The following RNF212 variants were observed in gnomAD, a reference collection of about 807,000 sequenced individuals.
RNF212 encodes ring finger protein 212, also known as probable E3 SUMO-protein ligase RNF212.
In RNF212, 33 loss-of-function variants were observed where a neutral mutation model predicts 34.7. That is an observed-to-expected ratio of 0.95 (90% CI 0.72 to 1.27). RNF212 has a LOEUF of 1.27. RNF212 is among the 50% of genes most tolerant of loss of function. The pLI is 0.00. For missense variants in RNF212, 377 were observed against 362.2 expected, an observed-to-expected ratio of 1.04 and a Z score of -0.33; for synonymous variants, 140 against 136.1, an observed-to-expected ratio of 1.03 and a Z score of -0.20.
chr4:1,083,945 ATTTTT>A (rs376424627), intron 5 of RNF212, among the ~76,000 whole-genome samples: 3 of 134,678 alleles, frequency 2.2e-5, no homozygotes, highest in African/African-American at 8.2e-5. Context: ...CATTTTGTGC[ATTTTT>A]TTTTTTTTTT....
intron 2 of RNF212, among the ~76,000 whole-genome samples, chr4:1,103,086 C>G (rs370664252): frequency 9.2e-5 from 14 of 151,780 alleles, no homozygotes; most frequent in African/African-American, 3.1e-4. Context: ...ATGGAACTTA[C>G]AGACATGAAA....
chr4:1,078,640 C>T (rs555953746), intron 8 of RNF212, among the ~76,000 whole-genome samples: 1 of 152,356 alleles, frequency 6.6e-6, no homozygotes, highest in African/African-American at 2.4e-5. Context: ...CAAGTGAAGG[C>T]AGTTAAAGCC....
At chr4:1,076,410 C>T (rs543752367) in intron 8 of RNF212, among the ~76,000 whole-genome samples, 3 of 152,246 alleles carry the variant, frequency 2.0e-5, no homozygotes, top group Non-Finnish European at 4.4e-5. Context: ...GTGGCCCTCC[C>T]TCTGACGAGC....
At chr4:1,104,525 T>A (rs1724509543) in intron 2 of RNF212, among the ~76,000 whole-genome samples, 1 of 152,174 alleles carries the variant, frequency 6.6e-6, no homozygotes, top group Non-Finnish European at 1.5e-5. Flanking sequence ...TTGCTCCTGC[T>A]TGCATTTCAG....
chr4:1,081,907 G>T lies in RNF212; in HGVS notation c.363-288C>A, dbSNP rs572966455. 181 of 389,544 alleles carry T rather than the reference G, an allele frequency of 4.6e-4. 1 individual carries two copies. Among genetic ancestry groups the T allele is most frequent in the African/African-American group, 3.5e-3 (173 of 48,880 alleles). 24.1% of individuals were successfully genotyped at this position (389,544 alleles called of 1,614,324 possible). On this transcript the variant is annotated intron_variant, in intron 5 of 9. Coordinates refer to ENST00000433731, the MANE Select transcript of RNF212 (RefSeq NM_001131034.4). ...CACATGGCCACTGCGGGTGTTAAAGGTGTGAAATTAAGACCTGACAACAGG... is the reference window on the plus strand; with the variant it reads ...CACATGGCCACTGCGGGTGTTAAAGTTGTGAAATTAAGACCTGACAACAGG...
intron 4 of RNF212, chr4:1,056,883 G>C (rs988145166): frequency 6.8e-5 from 66 of 969,278 alleles, no homozygotes; most frequent in Non-Finnish European, 8.0e-5. Flanking sequence ...ATGGGCGGCC[G>C]GGGGGGCAGC....
At position 1,071,891 on chromosome 4, in the gene RNF212, A is replaced by G. The variant is rs1342123776; in HGVS notation, c.*983T>C. The stretch of plus-strand genomic sequence containing the variant: ...TTTCAAAACTAAACACCCTCTCACC[A>G]TCTGATCCAGCATTCACACTCCTTA... On this transcript the variant is annotated 3_prime_UTR_variant, in exon 10 of 10. Coordinates refer to ENST00000433731, the MANE Select transcript of RNF212 (RefSeq NM_001131034.4). The G allele has an allele frequency of 6.6e-6, 1 of 152,208 alleles. No individual in the cohort carries two copies. The highest frequency in any genetic ancestry group is 1.5e-5 in the Non-Finnish European group (1 of 68,042). The allele number at this position is 152,208 out of a possible 1,614,324, so 9.4% of individuals were successfully genotyped here. A position where few individuals can be genotyped will look rare whatever the true frequency, so the allele number is the denominator to read the frequency against.
chr4:1,097,502 G>A (rs749502684), intron 2 of RNF212, among the ~76,000 whole-genome samples: 1 of 152,110 alleles, frequency 6.6e-6, no homozygotes, highest in Non-Finnish European at 1.5e-5. Context: ...CTACTCAGGA[G>A]GCTGAGGCAG....
In RNF212 at chr4:1,096,752, C is replaced by A; in HGVS notation, c.246+13G>T. The stretch of plus-strand genomic sequence containing the variant: ...GCTCATCACGGAACCAAGCCACACC[C>A]CTCACAGCTCACCTGGGAGGTTTCC... On this transcript the variant is annotated intron_variant, in intron 3 of 9. Coordinates refer to ENST00000433731, the MANE Select transcript of RNF212 (RefSeq NM_001131034.4). The A allele has an allele frequency of 1.2e-6, 2 of 1,606,702 alleles. No homozygotes were observed. Among genetic ancestry groups the A allele is most frequent in the Non-Finnish European group, 1.7e-6 (2 of 1,173,192 alleles).
At chr4:1,064,883 G>T (rs1262499148) in intron 3 of RNF212, among the ~76,000 whole-genome samples, 1 of 152,146 alleles carries the variant, frequency 6.6e-6, no homozygotes, top group African/African-American at 2.4e-5. Context: ...CACACACATG[G>T]ACTCACACAG....
intron 5 of RNF212, among the ~76,000 whole-genome samples, chr4:1,083,995 C>A (rs961509500): frequency 2.1e-5 from 3 of 142,598 alleles, no homozygotes; most frequent in African/African-American, 5.2e-5. Context: ...GTTACCCAGG[C>A]TGGAGTGCAA....
rs148727567 is a variant in RNF212 at position 1,090,951 on chromosome 4, T to A, written c.247-113A>T. ...CTCTCAGGAGAGCTCACAGTGCTTG[T>A]CTTACGTGTGTCCTGCCCCCACAGA... On this transcript the variant is annotated intron_variant, in intron 3 of 9. Coordinates refer to ENST00000433731, the MANE Select transcript of RNF212 (RefSeq NM_001131034.4). 3,169 of 679,840 alleles carry A rather than the reference T, an allele frequency of 4.7e-3. 20 individuals carry two copies. The highest frequency in any genetic ancestry group is 0.022 in the Middle Eastern group (57 of 2,534). 42.1% of individuals were successfully genotyped at this position (679,840 alleles called of 1,614,324 possible). A position where few individuals can be genotyped will look rare whatever the true frequency, so the allele number is the denominator to read the frequency against.
At chr4:1,112,816 T>C (rs1396898972) in intron 1 of RNF212, among the ~76,000 whole-genome samples, 12 of 59,080 alleles carry the variant, frequency 2.0e-4, no homozygotes, top group African/African-American at 2.1e-4. Flanking sequence ...GTATCCCCCT[T>C]CCCCCCCAAG....
chr4:1,078,937 G>A (rs1349540876), intron 8 of RNF212, among the ~76,000 whole-genome samples: 2,153 of 74,990 alleles, frequency 0.029, 98 homozygotes, highest in African/African-American at 0.13. Flanking sequence ...CCAACACAGG[G>A]TCAACACAGG....
Position 1,073,675 on chromosome 4 carries a change from C to T in RNF212, c.511-13G>A. 6.3e-7 allele frequency: 1 copy of T among 1,598,764 alleles called. No individual in the cohort carries two copies. Among genetic ancestry groups the T allele is most frequent in the South Asian group, 1.1e-5 (1 of 90,716 alleles). ...CTGCTATCTCAGACTAAGAATGCAA[C>T]AAGAAAACAATGGGTAAAATTCCAA... On this transcript the variant is annotated splice_polypyrimidine_tract_variant and intron_variant, in intron 8 of 9. Coordinates refer to ENST00000433731, the MANE Select transcript of RNF212 (RefSeq NM_001131034.4).
chr4:1,086,353 T>G (rs1721161640), intron 4 of RNF212, among the ~76,000 whole-genome samples: 1 of 151,964 alleles, frequency 6.6e-6, no homozygotes, highest in Admixed American at 6.5e-5. Flanking sequence ...GTGTGGGAGC[T>G]GCCAGACCCC....
intron 1 of RNF212, among the ~76,000 whole-genome samples, chr4:1,111,664 T>C (rs1052819692): frequency 1.3e-5 from 2 of 152,202 alleles, no homozygotes; most frequent in African/African-American, 4.8e-5. Flanking sequence ...CCCTCCAATC[T>C]ACTTTTCACC....
At chr4:1,106,249 T>TACACACACACAC (rs35166968) in intron 2 of RNF212, among the ~76,000 whole-genome samples, 9 of 145,948 alleles carry the variant, frequency 6.2e-5, no homozygotes, top group Admixed American at 2.7e-4. Context: ...CAATTTTACT[T>TACACACACACAC]ACACACACAC....
chr4:1,074,176 G>A (rs763199429), intron 8 of RNF212, among the ~76,000 whole-genome samples: 21 of 152,180 alleles, frequency 1.4e-4, no homozygotes, highest in Non-Finnish European at 3.1e-4. Flanking sequence ...ACAGGAACCT[G>A]TGAACCCAGA....
Sources: allele counts gnomAD v4.1 joint callset (sites outside exome capture counted in the v4.1 genomes callset), GRCh38; gene constraint gnomAD v4.1.1; transcripts MANE v1.5; gene names NCBI Gene and HGNC (gene_info 2026-07-23, HGNC 2026-07-21).